PRMT1: variants seen among roughly 807,000 people sequenced by gnomAD.
The protein encoded by PRMT1 is protein arginine methyltransferase 1.
A neutral mutation model predicts 47.4 loss-of-function variants in PRMT1; 5 were observed. That is an observed-to-expected ratio of 0.11 (90% CI 0.06 to 0.22). The LOEUF (loss-of-function observed/expected upper bound fraction) is 0.22. Among genes scored for constraint, PRMT1 ranks in the 10% least tolerant of loss-of-function variants. The pLI, the probability that PRMT1 is intolerant of heterozygous loss-of-function variation, is 1.00. For synonymous variants in PRMT1, 227 were observed against 204.6 expected, an observed-to-expected ratio of 1.11 and a Z score of -0.94; for missense variants, 249 against 518.4, an observed-to-expected ratio of 0.48 and a Z score of 5.05.
At chr19:49,683,463 C>G (rs371286434) in intron 5 of PRMT1, among the ~76,000 whole-genome samples, 1 of 151,778 alleles carries the variant, frequency 6.6e-6, no homozygotes, top group Non-Finnish European at 1.5e-5. Context: ...CCGAGGCGGG[C>G]GGATCGTGAG....
rs2082239392 is a variant in PRMT1, at chr19:49,688,130, G to A, written c.1033-32G>A. 1 of 1,603,452 alleles carries A rather than the reference G, an allele frequency of 6.2e-7. No individual in the cohort carries two copies. The highest frequency in any genetic ancestry group is 1.3e-5 in the African/African-American group (1 of 74,446). On this transcript the variant is annotated intron_variant, in intron 10 of 10. Coordinates refer to ENST00000454376, the MANE Select transcript of PRMT1 (RefSeq NM_001536.6). The surrounding 1 kb of genome is among the most constrained non-coding windows in gnomAD (Gnocchi z 5.3). ...GCCCCCCGCCACCACCTCCTGGTGG[G>A]TTCCGCCCTCATGCCCCACCTCTCC...
In PRMT1 at chr19:49,682,014, C is replaced by A. The variant is rs904818817; in HGVS notation, c.297C>A (p.Thr99=). The change falls in exon 4 of 11, where the codon ACC becomes ACA. Residue 99 remains threonine (T), a synonymous_variant. Transcript: ENST00000454376. ...TGGTGCTGGACGTCGGCTCGGGCAC[C>A]GGCATCCTCTGCATGTTTGCTGCCA... The part of the protein sequence containing the change: ...DKVVLDVGSG[T]GILCMFAAKA... 1 of 1,614,170 alleles carries A rather than the reference C, an allele frequency of 6.2e-7. No individual in the cohort carries two copies. The highest frequency in any genetic ancestry group is 8.5e-7 in the Non-Finnish European group (1 of 1,180,028).
chr19:49,683,894 G>A (rs1483120840), intron 5 of PRMT1, 33 bp from the exon 6 acceptor site: 1 of 1,597,794 alleles, frequency 6.3e-7, no homozygotes, highest in African/African-American at 1.3e-5. Context: ...AGGCCTCCCG[G>A]GGGCTGACGT....
At chr19:49,686,533 G>A (rs1599950771) in intron 9 of PRMT1, 72 bp from the exon 10 acceptor site, 35 of 973,858 alleles carry the variant, frequency 3.6e-5, no homozygotes, top group East Asian at 1.3e-4. Context: ...TGGGCATTCC[G>A]ACAGAGGGAA....
intron 1 of PRMT1, among the ~76,000 whole-genome samples, chr19:49,679,103 C>G (rs561523477): frequency 6.6e-6 from 1 of 152,184 alleles, no homozygotes; most frequent in African/African-American, 2.4e-5. Context: ...AGGCTGGTCT[C>G]AAACTCCTGA....
chr19:49,684,721 C>G lies in PRMT1; in HGVS notation c.556-33C>G. On this transcript the variant is annotated intron_variant, in intron 6 of 10. Coordinates refer to ENST00000454376, the MANE Select transcript of PRMT1 (RefSeq NM_001536.6). This position sits in a 1 kb window ranked among gnomAD's most constrained non-coding sequence, Gnocchi z 6.2. The stretch of plus-strand genomic sequence containing the variant: ...AGACTCAGGGTAGTGTTGCCAGGCC[C>G]CACCCTTCATGCCTCGCCCTGCCCC... 6.5e-7 allele frequency: 1 copy of G among 1,545,320 alleles called. No individual in the cohort carries two copies. Among genetic ancestry groups the G allele is most frequent in the Non-Finnish European group, 8.7e-7 (1 of 1,143,386 alleles).
Position 49,683,706 on chromosome 19 carries a change from AAAG to A in PRMT1, c.413-220_413-218del, listed in dbSNP as rs2082159037. On this transcript the variant is annotated intron_variant, in intron 5 of 10. Coordinates refer to ENST00000454376, the MANE Select transcript of PRMT1 (RefSeq NM_001536.6). The stretch of plus-strand genomic sequence containing the variant: ...CCGTCTCAAAAAAAAAAAAAAAAAA[AAAG>A]TAACATCACCTGATACCCAGTCCAC... 7 of 493,616 alleles carry A rather than the reference AAAG, an allele frequency of 1.4e-5. No individual in the cohort carries two copies. The South Asian group carries it at 1.4e-4, about 10-fold the overall frequency. 30.6% of individuals were successfully genotyped at this position (493,616 alleles called of 1,614,324 possible). A position where few individuals can be genotyped will look rare whatever the true frequency, so the allele number is the denominator to read the frequency against.
Position 49,680,254 on chromosome 19 carries a change from G to C in PRMT1, c.91-233G>C, listed in dbSNP as rs762285286. ...TGGAGAGATGGTAGGCGTGGCTGAGGTATCGGGGTGCTCCCCTGGATGGTG... is the reference window on the plus strand; with the variant it reads ...TGGAGAGATGGTAGGCGTGGCTGAGCTATCGGGGTGCTCCCCTGGATGGTG... On this transcript the variant is annotated intron_variant, in intron 2 of 10. Transcript: ENST00000454376. This position sits in a 1 kb window ranked among gnomAD's most constrained non-coding sequence, Gnocchi z 4.2. 6.4e-7 allele frequency: 1 copy of C among 1,567,080 alleles called. No individual in the cohort carries two copies. The highest frequency in any genetic ancestry group is 2.3e-5 in the East Asian group (1 of 43,820).
rs79865986 is a variant in PRMT1, at chr19:49,688,111, C to G, written c.1033-51C>G. The G allele has an allele frequency of 1.3e-6, 2 of 1,535,918 alleles. No individual in the cohort carries two copies. The highest frequency in any genetic ancestry group is 1.4e-5 in the African/African-American group (1 of 73,134). ...GCATAGCCTGCCTGCACCCGCCCCC[C>G]GCCACCACCTCCTGGTGGGTTCCGC... On this transcript the variant is annotated intron_variant, in intron 10 of 10. Transcript: ENST00000454376. The surrounding 1 kb of genome is among the most constrained non-coding windows in gnomAD (Gnocchi z 5.3).
At chr19:49,683,414 C>T (rs1384542814) in intron 5 of PRMT1, among the ~76,000 whole-genome samples, 1 of 151,880 alleles carries the variant, frequency 6.6e-6, no homozygotes, top group African/African-American at 2.4e-5. Context: ...CGCGGCCGGG[C>T]ACAGTGGCTC....
chr19:49,688,134 C>T lies in PRMT1; in HGVS notation c.1033-28C>T, dbSNP rs377735106. On this transcript the variant is annotated intron_variant, in intron 10 of 10. Transcript: ENST00000454376. This position sits in a 1 kb window ranked among gnomAD's most constrained non-coding sequence, Gnocchi z 5.3. The stretch of plus-strand genomic sequence containing the variant: ...CCCGCCACCACCTCCTGGTGGGTTC[C>T]GCCCTCATGCCCCACCTCTCCCTGC... 49 of 1,604,686 alleles carry T rather than the reference C, an allele frequency of 3.1e-5. No homozygotes were observed. Among genetic ancestry groups the T allele is most frequent in the Admixed American group, 5.0e-5 (3 of 59,934 alleles).
At position 49,680,192 on chromosome 19, in the gene PRMT1, C is replaced by A; in HGVS notation, c.90+267C>A. ...CCCATTTTCCTTCCCCTCCCCTCCC[C>A]AGCTGTGGGCTGAGCTAGAGACGGG... is the stretch of plus-strand genomic sequence containing the variant. On this transcript the variant is annotated intron_variant, in intron 2 of 10. Coordinates refer to ENST00000454376, the MANE Select transcript of PRMT1 (RefSeq NM_001536.6). This position sits in a 1 kb window ranked among gnomAD's most constrained non-coding sequence, Gnocchi z 4.2. 1 of 1,593,194 alleles carries A rather than the reference C, an allele frequency of 6.3e-7. No homozygotes were observed.
Position 49,680,503 on chromosome 19 carries a change from C to T in PRMT1, c.107C>T (p.Ala36Val). ...CCCTCCCAGGTGTCCTGTGGCCAGG[C>T]GGAAAGCAGTGAGAAGCCCAACGCT... Reference protein sequence around the residue: ...PPLEEVSCGQAESSEKPNAED... With the variant: ...PPLEEVSCGQVESSEKPNAED... The change falls in exon 3 of 11, where the codon GCG becomes GTG. Residue 36 changes from alanine to valine, a missense_variant. By Grantham distance (64) the Ala-to-Val change is moderately conservative. Around this residue, in one of 2 missense-constraint regions of PRMT1, gnomAD observed 59 missense variants for 61.7 expected, o/e 0.96. Transcript: ENST00000454376. This position sits in a 1 kb window ranked among gnomAD's most constrained non-coding sequence, Gnocchi z 4.2. 1 of 1,613,902 alleles carries T rather than the reference C, an allele frequency of 6.2e-7. No homozygotes were observed. The highest frequency in any genetic ancestry group is 8.5e-7 in the Non-Finnish European group (1 of 1,179,888).
intron 5 of PRMT1, among the ~76,000 whole-genome samples, chr19:49,682,852 C>T (rs1346934811): frequency 7.3e-6 from 1 of 136,142 alleles, no homozygotes; most frequent in Non-Finnish European, 1.5e-5. Context: ...GTGGCACGAT[C>T]TCAGCTCACT....
rs2082179327 is a variant in PRMT1 at position 49,684,745 on chromosome 19, C to G, written c.556-9C>G. 1.9e-6 allele frequency: 3 copies of G among 1,551,808 alleles called. No homozygotes were observed. The highest frequency in any genetic ancestry group is 2.6e-6 in the Non-Finnish European group (3 of 1,147,624). On this transcript the variant is annotated splice_polypyrimidine_tract_variant and intron_variant, in intron 6 of 10. Coordinates refer to ENST00000454376, the MANE Select transcript of PRMT1 (RefSeq NM_001536.6). This position sits in a 1 kb window ranked among gnomAD's most constrained non-coding sequence, Gnocchi z 6.2. ...CCCACCCTTCATGCCTCGCCCTGCC[C>G]CTCTGTAGGCGCCCGATGGCCTCAT...
chr19:49,684,863 G>A lies in PRMT1; in HGVS notation c.643+22G>A, dbSNP rs201514442. On this transcript the variant is annotated intron_variant, in intron 7 of 10. Transcript: ENST00000454376. This position sits in a 1 kb window ranked among gnomAD's most constrained non-coding sequence, Gnocchi z 6.2. ...CACTGTGAGCGCGGCCCGGGAGCTG[G>A]CGGGCGGGGCCTCGGGTGGGCTGCT... 22 of 1,611,570 alleles carry A rather than the reference G, an allele frequency of 1.4e-5. No individual in the cohort carries two copies. The South Asian group carries it at 2.2e-4, about 16-fold the overall frequency.
rs2082191396 is a variant in PRMT1, at chr19:49,685,500, G to A, written c.759+463G>A. 20 of 1,018,280 alleles carry A rather than the reference G, an allele frequency of 2.0e-5. No homozygotes were observed. Among genetic ancestry groups the A allele is most frequent in the Non-Finnish European group, 2.4e-5 (20 of 849,868 alleles). 63.1% of individuals were successfully genotyped at this position (1,018,280 alleles called of 1,614,324 possible). ...ACTCCAGCTTTGGTGACAATGTTTTGTTTTGTTTTTTCCTTTTGTTTTTTT... is the reference window on the plus strand; with the variant it reads ...ACTCCAGCTTTGGTGACAATGTTTTATTTTGTTTTTTCCTTTTGTTTTTTT... On this transcript the variant is annotated intron_variant, in intron 8 of 10. Transcript: ENST00000454376. The surrounding 1 kb of genome is among the most constrained non-coding windows in gnomAD (Gnocchi z 4.7).
chr19:49,684,205 A>G lies in PRMT1; in HGVS notation c.555+136A>G. ...CAAGGTGTTAGAAAGCCACAGCCCAAGCCAGGTGTGACAGACCCTGGAGGG... is the reference window on the plus strand; with the variant it reads ...CAAGGTGTTAGAAAGCCACAGCCCAGGCCAGGTGTGACAGACCCTGGAGGG... On this transcript the variant is annotated intron_variant, in intron 6 of 10. Coordinates refer to ENST00000454376, the MANE Select transcript of PRMT1 (RefSeq NM_001536.6). The surrounding 1 kb of genome is among the most constrained non-coding windows in gnomAD (Gnocchi z 6.2). 2 of 1,269,492 alleles carry G rather than the reference A, an allele frequency of 1.6e-6. No individual in the cohort carries two copies. Among genetic ancestry groups the G allele is most frequent in the Non-Finnish European group, 2.2e-6 (2 of 908,408 alleles). 78.6% of individuals were successfully genotyped at this position (1,269,492 alleles called of 1,614,324 possible).
At chr19:49,683,744 C>A in intron 5 of PRMT1, 183 bp from the exon 6 acceptor site, 9 of 552,416 alleles carry the variant, frequency 1.6e-5, no homozygotes, top group Admixed American at 3.3e-5. Flanking sequence ...CATAAAATTT[C>A]TGCTCCTGCC....
Sources: allele counts gnomAD v4.1 joint callset (sites outside exome capture counted in the v4.1 genomes callset), GRCh38; gene constraint gnomAD v4.1.1; regional missense constraint gnomAD v4.1.1; non-coding constraint Gnocchi (gnomAD v3.1); transcripts MANE v1.5; gene names NCBI Gene and HGNC (gene_info 2026-07-23, HGNC 2026-07-21).